OPRM1: variants seen among roughly 807,000 people sequenced by gnomAD.
OPRM1 encodes opioid receptor mu 1, also known as mu-type opioid receptor.
Under a neutral mutation model 31.8 loss-of-function variants are expected in OPRM1, and 27 were observed. That is an observed-to-expected ratio of 0.85 (90% CI 0.63 to 1.17). The LOEUF (loss-of-function observed/expected upper bound fraction) is 1.17. Ranked by LOEUF, OPRM1 falls within the 50% of genes most tolerant of loss-of-function variation. The pLI, the probability that OPRM1 is intolerant of heterozygous loss-of-function variation, is 0.00. For missense variants in OPRM1, 536 were observed against 511.1 expected, an observed-to-expected ratio of 1.05 and a Z score of -0.47; for synonymous variants, 196 against 189.9, an observed-to-expected ratio of 1.03 and a Z score of -0.26.
chr6:154,021,167 C>T (rs2128381540), intron 1 of OPRM1, among the ~76,000 whole-genome samples: 1 of 152,296 alleles, frequency 6.6e-6, no homozygotes, highest in African/African-American at 2.4e-5. Context: ...CTAGATTCAT[C>T]TTTTTGCGTG....
At chr6:154,246,289 T>A (rs1781035919) in intron 3 of OPRM1, among the ~76,000 whole-genome samples, 1 of 152,136 alleles carries the variant, frequency 6.6e-6, no homozygotes, top group African/African-American at 2.4e-5. Flanking sequence ...ACTATTAGAA[T>A]CCCTCGTGGA....
chr6:154,091,348 G>A lies in OPRM1; in HGVS notation c.1040G>A (p.Arg347Gln), dbSNP rs77013544. Residue 347 changes from arginine to glutamine, a missense_variant, in exon 3 of 4, where the codon CGA (arginine) becomes CAA (glutamine). Coordinates refer to ENST00000330432, the MANE Select transcript of OPRM1 (RefSeq NM_000914.5). ...LYAFLDENFKRCFREFCIPTS... is the reference protein window; with the variant it reads ...LYAFLDENFKQCFREFCIPTS... ...GCATTTCTGGATGAAAACTTCAAAC[G>A]ATGCTTCAGAGAGTTCTGTATCCCA... is the stretch of plus-strand genomic sequence containing the variant. 1.1e-4 allele frequency: 172 copies of A among 1,614,036 alleles called. No homozygotes were observed. Among genetic ancestry groups the A allele is most frequent in the Non-Finnish European group, 1.4e-4 (163 of 1,180,040 alleles).
At chr6:154,018,505 CT>C (rs747320275) in intron 1 of OPRM1, among the ~76,000 whole-genome samples, 1,485 of 141,104 alleles carry the variant, frequency 0.011, 8 homozygotes, top group African/African-American at 0.021. Context: ...CCCGTTAATT[CT>C]TTTTTTTTTT....
chr6:154,171,294 TACTC>T (rs1411509034), intron 3 of OPRM1, among the ~76,000 whole-genome samples: 7 of 152,264 alleles, frequency 4.6e-5, no homozygotes, highest in African/African-American at 1.7e-4. Flanking sequence ...TTAAAATAAA[TACTC>T]AGTTGTCCAC....
intron 3 of OPRM1, among the ~76,000 whole-genome samples, chr6:154,243,881 G>T (rs1433076670): frequency 6.6e-6 from 1 of 152,132 alleles, no homozygotes; most frequent in Non-Finnish European, 1.5e-5. Flanking sequence ...ACCTCTCAGG[G>T]TGATTTTGAG....
At chr6:154,113,088 C>T (rs1288548013) in intron 3 of OPRM1, among the ~76,000 whole-genome samples, 1 of 152,210 alleles carries the variant, frequency 6.6e-6, no homozygotes, top group Non-Finnish European at 1.5e-5. Flanking sequence ...ACAAATTCTC[C>T]TCCATTCAGC....
intron 1 of OPRM1, among the ~76,000 whole-genome samples, chr6:154,079,907 C>A (rs567884863): frequency 6.6e-6 from 1 of 152,222 alleles, no homozygotes; most frequent in East Asian, 1.9e-4. Flanking sequence ...TTAGTTAACT[C>A]CCTGCCATAC....
At chr6:154,057,994 A>T (rs1783653824) in intron 1 of OPRM1, among the ~76,000 whole-genome samples, 2 of 152,244 alleles carry the variant, frequency 1.3e-5, no homozygotes, top group South Asian at 4.1e-4. Context: ...AACAAAGAAG[A>T]AATTGTCTGC....
chr6:154,100,106 T>TC (rs11460604), intron 3 of OPRM1, among the ~76,000 whole-genome samples: 3,926 of 21,972 alleles, frequency 0.18, 754 homozygotes, highest in South Asian at 0.26. Flanking sequence ...TTATGATATA[T>TC]ATATTATATA....
intron 3 of OPRM1, among the ~76,000 whole-genome samples, chr6:154,213,633 A>G (rs1318876707): frequency 6.6e-6 from 1 of 152,180 alleles, no homozygotes; most frequent in East Asian, 1.9e-4. Flanking sequence ...CATTTCAGAA[A>G]GACTATGAGT....
At chr6:154,073,491 G>A (rs1322299797) in intron 1 of OPRM1, 1 of 152,176 alleles carries the variant, frequency 6.6e-6, no homozygotes, top group Non-Finnish European at 1.5e-5. Context: ...AAACTCAGGA[G>A]CTAATTCTAA....
At chr6:154,224,114 G>A (rs1318025291) in intron 3 of OPRM1, among the ~76,000 whole-genome samples, 2 of 152,192 alleles carry the variant, frequency 1.3e-5, no homozygotes, top group African/African-American at 2.4e-5. Flanking sequence ...TCTGAGTAGA[G>A]AAATAGAATC....
chr6:154,164,842 C>T (rs1799301756), intron 3 of OPRM1, among the ~76,000 whole-genome samples: 1 of 152,126 alleles, frequency 6.6e-6, no homozygotes, highest in African/African-American at 2.4e-5. Context: ...GAATGATGAG[C>T]TGTTAGAAAT....
chr6:154,053,107 T>C (rs917678908), intron 1 of OPRM1, among the ~76,000 whole-genome samples: 39 of 152,236 alleles, frequency 2.6e-4, no homozygotes, highest in Non-Finnish European at 1.6e-4. Context: ...TAGCCAGTGA[T>C]TAAGGAGTAA....
At chr6:154,212,667 C>A (rs1778060465) in intron 3 of OPRM1, 1 of 734,958 alleles carries the variant, frequency 1.4e-6, no homozygotes, top group Non-Finnish European at 2.3e-6. Context: ...TTAATTTAGC[C>A]CATTCTAAAA....
intron 1 of OPRM1, among the ~76,000 whole-genome samples, chr6:154,033,864 G>T (rs766270106): frequency 6.6e-6 from 1 of 152,050 alleles, no homozygotes; most frequent in African/African-American, 2.4e-5. Flanking sequence ...AAGTTAAATG[G>T]CTTTTTCACT....
chr6:154,093,498 C>A (rs368927445), intron 3 of OPRM1: 1 of 1,603,952 alleles, frequency 6.2e-7, no homozygotes, highest in Admixed American at 1.7e-5. Context: ...CTTCCAAATT[C>A]GGCATTTTCA....
Position 154,168,171 on chromosome 6 carries a change from G to A in OPRM1, c.1164+76699G>A, listed in dbSNP as rs1799583781. The A allele has an allele frequency of 7.4e-7, 1 of 1,343,026 alleles. No individual in the cohort carries two copies. The allele number at this position is 1,343,026 out of a possible 1,614,324, so 83.2% of individuals were successfully genotyped here. On this transcript the variant is annotated intron_variant, in intron 3 of 3. Transcript: ENST00000337049. The surrounding 1 kb of genome is among the most constrained non-coding windows in gnomAD (Gnocchi z 4.1). ...TAAACCCAGTGAAAAATCAAGGAGAGAACATTCAATACTGTGGTCCCAAGG... is the reference window on the plus strand; with the variant it reads ...TAAACCCAGTGAAAAATCAAGGAGAAAACATTCAATACTGTGGTCCCAAGG...
chr6:154,240,615 A>G (rs773665906), intron 3 of OPRM1, among the ~76,000 whole-genome samples: 1 of 152,218 alleles, frequency 6.6e-6, no homozygotes, highest in African/African-American at 2.4e-5. Flanking sequence ...CATTTTCTAC[A>G]TGGGTAATTC....
Sources: allele counts gnomAD v4.1 joint callset (sites outside exome capture counted in the v4.1 genomes callset), GRCh38; gene constraint gnomAD v4.1.1; non-coding constraint Gnocchi (gnomAD v3.1); transcripts MANE v1.5; gene names NCBI Gene and HGNC (gene_info 2026-07-23, HGNC 2026-07-21).